Variants in CCDC158 observed in about 807,000 individuals in gnomAD.
The protein encoded by CCDC158 is coiled-coil domain-containing protein 158.
Under a neutral mutation model 138.6 loss-of-function variants are expected in CCDC158, and 116 were observed. The observed-to-expected ratio is 0.84, with a 90% CI of 0.72 to 0.98. The LOEUF is 0.98. Ranked by LOEUF, CCDC158 falls within the 50% of genes least tolerant of loss-of-function variation. The pLI is 0.00. For synonymous variants in CCDC158, 436 were observed against 442.4 expected (o/e 0.99, Z 0.18); for missense variants, 1,265 against 1,306.1 (o/e 0.97, Z 0.48).
intron 4 of CCDC158, among the ~76,000 whole-genome samples, chr4:76,394,603 G>C (rs1484714254): frequency 6.6e-6 from 1 of 151,966 alleles, no homozygotes; most frequent in Non-Finnish European, 1.5e-5. Context: ...TAATTTAATT[G>C]TACATTTTCA....
At chr4:76,373,176 C>T (rs1469666978) in intron 9 of CCDC158, among the ~76,000 whole-genome samples, 1 of 152,202 alleles carries the variant, frequency 6.6e-6, no homozygotes, top group East Asian at 1.9e-4. Flanking sequence ...CTAGGTTCAG[C>T]GTATGCTAAG....
intron 9 of CCDC158, among the ~76,000 whole-genome samples, chr4:76,377,754 T>G (rs1725850288): frequency 6.6e-6 from 1 of 152,180 alleles, no homozygotes; most frequent in Admixed American, 6.5e-5. Flanking sequence ...TTGCTTAAGG[T>G]TGCTCAGAGG....
chr4:76,339,734 C>T (rs1015079832), intron 18 of CCDC158, among the ~76,000 whole-genome samples: 1 of 152,132 alleles, frequency 6.6e-6, no homozygotes, highest in African/African-American at 2.4e-5. Context: ...TCAAAGAGGT[C>T]GATTTTGAAT....
At chr4:76,337,098 A>G (rs1721584257) in intron 18 of CCDC158, among the ~76,000 whole-genome samples, 1 of 152,072 alleles carries the variant, frequency 6.6e-6, no homozygotes, top group Admixed American at 6.5e-5. Flanking sequence ...ATTCTGCCTC[A>G]GTCTCCTGAG....
intron 15 of CCDC158, among the ~76,000 whole-genome samples, chr4:76,354,924 G>T (rs372651536): frequency 2.0e-5 from 3 of 151,884 alleles, no homozygotes; most frequent in African/African-American, 7.3e-5. Context: ...TTTTTATTAG[G>T]TTCCTATTAT....
At chr4:76,389,207 T>A (rs575878624) in intron 4 of CCDC158, among the ~76,000 whole-genome samples, 1 of 152,082 alleles carries the variant, frequency 6.6e-6, no homozygotes, top group African/African-American at 2.4e-5. Context: ...TCAAGGAAAT[T>A]AAAGACAACT....
At chr4:76,394,488 T>A (rs1440277016) in intron 4 of CCDC158, among the ~76,000 whole-genome samples, 1 of 151,262 alleles carries the variant, frequency 6.6e-6, no homozygotes, top group Non-Finnish European at 1.5e-5. Flanking sequence ...GTGGGAAGGG[T>A]AGTGGGGGAG....
At chr4:76,401,658 T>C (rs973466450) in intron 3 of CCDC158, 3 of 164,684 alleles carry the variant, frequency 1.8e-5, no homozygotes, top group African/African-American at 7.2e-5. Context: ...CAGAAGTCTA[T>C]CAGTTCTTGG....
At chr4:76,421,270 GC>G (rs1426231042), upstream of CCDC158, among the ~76,000 whole-genome samples, 2 of 152,034 alleles carry the variant, frequency 1.3e-5, no homozygotes, top group Admixed American at 6.5e-5. Flanking sequence ...GGGGTGCTCG[GC>G]AGCTGCCCGG....
Position 76,384,581 on chromosome 4 carries a change from C to CCATTTGCATCTCCTGAAGTTTTGTTTG in CCDC158, c.346_372dup (p.Gln116_Met124dup). 1.9e-6 allele frequency: 3 copies of CCATTTGCATCTCCTGAAGTTTTGTTTG among 1,613,162 alleles called. No individual in the cohort carries two copies. On this transcript the variant is annotated inframe_insertion, in exon 5 of 25. Coordinates refer to ENST00000682701, the MANE Select transcript of CCDC158 (RefSeq NM_001394954.1). Reference sequence around the variant, plus strand: ...CTGATGTCAGCCATAGCATCTCTCTCCATTTGCATCTCCTGAAGTTTTGTT... The same window carrying CCATTTGCATCTCCTGAAGTTTTGTTTG: ...CTGATGTCAGCCATAGCATCTCTCTCCATTTGCATCTCCTGAAGTTTTGTTTGCATTTGCATCTCCTGAAGTTTTGTT...
At chr4:76,403,114 T>C (rs369438965) in intron 3 of CCDC158, 24 bp downstream of exon 3, 3 of 1,530,608 alleles carry the variant, frequency 2.0e-6, no homozygotes, top group Non-Finnish European at 1.8e-6. Context: ...TTTTTCCCCA[T>C]TTTGTTTTAT....
chr4:76,366,002 G>T (rs529767676), intron 12 of CCDC158, among the ~76,000 whole-genome samples: 28 of 152,298 alleles, frequency 1.8e-4, no homozygotes, highest in African/African-American at 5.5e-4. Context: ...GATAATAATA[G>T]TGCCTCCCTC....
rs75674622 is a variant in CCDC158 at position 76,340,838 on chromosome 4, G to A, written c.2665-6671C>T. Among the ~76,000 whole-genome samples, 521 of 152,112 alleles carry A rather than the reference G, an allele frequency of 3.4e-3. 3 individuals are homozygous for A. Among genetic ancestry groups the A allele is most frequent in the African/African-American group, 0.012 (496 of 41,484 alleles). The stretch of plus-strand genomic sequence containing the variant: ...TTAAATCATCCCAAAATCACCCCCC[G>A]CCTCAACCTGTTCCATGGAAAAACT... On this transcript the variant is annotated intron_variant, in intron 18 of 24. Transcript: ENST00000682701.
At chr4:76,355,464 C>G (rs1042805256) in intron 14 of CCDC158, 28 bp from the exon 15 acceptor site, 2 of 1,422,546 alleles carry the variant, frequency 1.4e-6, no homozygotes, top group Non-Finnish European at 2.0e-6. Flanking sequence ...GCAAACTATG[C>G]CTTAGGTTCT....
In CCDC158 at chr4:76,384,374, A is replaced by G. The variant is rs1726586234; in HGVS notation, c.440T>C (p.Leu147Pro). 1.9e-6 allele frequency: 3 copies of G among 1,613,772 alleles called. No homozygotes were observed. The highest frequency in any genetic ancestry group is 1.7e-5 in the Admixed American group (1 of 59,988). ...TTCAAGTTCATGAACTGTATTTTGAAGCTGATTTCTTAAATCCTCCTGGGA... is the reference window on the plus strand; with the variant it reads ...TTCAAGTTCATGAACTGTATTTTGAGGCTGATTTCTTAAATCCTCCTGGGA... ...SQSQEDLRNQ[L>P]QNTVHELEAA... The change falls in exon 6 of 25, where the codon CTT becomes CCT. Residue 147 changes from leucine (L) to proline (P), a missense_variant. Coordinates refer to ENST00000682701, the MANE Select transcript of CCDC158 (RefSeq NM_001394954.1).
rs763618005 is a variant in CCDC158 at position 76,367,256 on chromosome 4, A to T, written c.1830+38T>A. On this transcript the variant is annotated intron_variant, in intron 12 of 24. Coordinates refer to ENST00000682701, the MANE Select transcript of CCDC158 (RefSeq NM_001394954.1). ...TACAGGTCATACCTGCTAATAAATG[A>T]TATTTCAGAAGTTAAATCACAAAAA... 1.3e-5 allele frequency: 20 copies of T among 1,580,886 alleles called. No homozygotes were observed. The African/African-American group carries it at 2.3e-4, about 18-fold the overall frequency.
chr4:76,383,520 AAATGTT>A, intron 7 of CCDC158, 136 bp downstream of exon 7: 1 of 614,536 alleles, frequency 1.6e-6, no homozygotes, highest in Non-Finnish European at 2.9e-6. Context: ...CAGGAAAACA[AAATGTT>A]AACATGAGTT....
chr4:76,393,769 A>C (rs569346875), intron 4 of CCDC158, among the ~76,000 whole-genome samples: 2 of 152,148 alleles, frequency 1.3e-5, no homozygotes, highest in Non-Finnish European at 2.9e-5. Context: ...TAAGGAGCTC[A>C]AACAACTCTA....
chr4:76,407,686 G>A (rs1241752963), intron 2 of CCDC158, among the ~76,000 whole-genome samples: 1 of 152,038 alleles, frequency 6.6e-6, no homozygotes, highest in African/African-American at 2.4e-5. Flanking sequence ...GGAATGAGTA[G>A]GACAGATATA....
Sources: allele counts gnomAD v4.1 joint callset (sites outside exome capture counted in the v4.1 genomes callset), GRCh38; gene constraint gnomAD v4.1.1; transcripts MANE v1.5; gene names NCBI Gene and HGNC (gene_info 2026-07-23, HGNC 2026-07-21).